Variants in CDC45 observed in about 807,000 individuals in gnomAD.
The protein encoded by CDC45 is cell division control protein 45 homolog.
Under a neutral mutation model 77.8 loss-of-function variants are expected in CDC45, and 54 were observed. The ratio of observed to expected loss-of-function variants is 0.69; its 90% CI spans 0.56 to 0.87. CDC45 has a LOEUF of 0.87. CDC45 is among the 40% of genes least tolerant of loss of function. The pLI, the probability that CDC45 is intolerant of heterozygous loss-of-function variation, is 0.00. For synonymous variants in CDC45, 260 were observed against 272.1 expected (o/e 0.96, Z 0.44); for missense variants, 649 against 721.6 (o/e 0.90, Z 1.15).
chr22:19,492,213 C>G lies in CDC45; in HGVS notation c.487-2114C>G, dbSNP rs570433828. ...GGCACTGATGACGTGAATGTTAGCT[C>G]TTTTGTTGTAGCCCCACAAGTCCCA... On this transcript the variant is annotated intron_variant, in intron 5 of 18. Transcript: ENST00000263201. Among the ~76,000 whole-genome samples the G allele has an allele frequency of 2.6e-5, 4 of 152,152 alleles. No homozygotes were observed. The South Asian group carries it at 8.4e-4, about 32-fold the overall frequency.
chr22:19,506,920 C>T (rs1178135368), intron 10 of CDC45, among the ~76,000 whole-genome samples: 3 of 148,492 alleles, frequency 2.0e-5, no homozygotes, highest in African/African-American at 7.5e-5. Context: ...GGCGACAGAG[C>T]GAGACTCCGT....
Position 19,520,271 on chromosome 22 carries a change from A to AG in CDC45, c.*2-205dup, listed in dbSNP as rs1483113857. Among the ~76,000 whole-genome samples the AG allele has an allele frequency of 1.3e-5, 2 of 152,034 alleles. No individual in the cohort carries two copies. Among genetic ancestry groups the AG allele is most frequent in the South Asian group, 2.1e-4 (1 of 4,822 alleles). ...CGTGAGGTAAGAAGGTGCCCGGGCCAGGGGGCAGGAGCTCTGATGTAGGAC... is the reference window on the plus strand; with the variant it reads ...CGTGAGGTAAGAAGGTGCCCGGGCCAGGGGGGCAGGAGCTCTGATGTAGGAC... On this transcript the variant is annotated intron_variant, in intron 18 of 18. Transcript: ENST00000263201. The surrounding 1 kb of genome is among the most constrained non-coding windows in gnomAD (Gnocchi z 4.5).
intron 5 of CDC45, among the ~76,000 whole-genome samples, chr22:19,492,454 G>T (rs1321951208): frequency 1.3e-5 from 2 of 151,750 alleles, no homozygotes; most frequent in African/African-American, 4.8e-5. Flanking sequence ...TAGAACACTT[G>T]TCTCTTCTTT....
chr22:19,516,056 G>A (rs1009126596), intron 15 of CDC45, among the ~76,000 whole-genome samples: 11 of 152,170 alleles, frequency 7.2e-5, no homozygotes, highest in Admixed American at 3.3e-4. Context: ...GGAGCGTGCC[G>A]GCGGGGGGGA....
intron 12 of CDC45, 76 bp downstream of exon 12, chr22:19,507,940 C>G: frequency 9.9e-7 from 1 of 1,014,394 alleles, no homozygotes; most frequent in Non-Finnish European, 1.5e-6. Context: ...TTTAACTGTG[C>G]TCCTAAAATA....
In CDC45 at chr22:19,479,943, G is replaced by C. The variant is rs1465804319; in HGVS notation, c.-26G>C. The stretch of plus-strand genomic sequence containing the variant: ...CCGGGCTCTTGGTACCTCAGCGCGA[G>C]CGCCAGGCGTCCGGCCGCCGTGGCT... On this transcript the variant is annotated 5_prime_UTR_variant, in exon 1 of 19. Coordinates refer to ENST00000263201, the MANE Select transcript of CDC45 (RefSeq NM_003504.5). The C allele has an allele frequency of 6.2e-7, 1 of 1,612,180 alleles. No homozygotes were observed.
In CDC45 at chr22:19,508,542, G is replaced by A; in HGVS notation, c.1068G>A (p.Met356Ile). ...ESANKFGMKD[M>I]RVQTFSIHFG... ...GCTCCCATGACAGGATGAAGGACAT[G>A]CGCGTGCAGACTTTCAGCATTCATT... The change falls in exon 13 of 19, where the codon ATG (methionine) becomes ATA (isoleucine). Residue 356 changes from methionine (M) to isoleucine (I), a missense_variant. By Grantham distance (10) the Met-to-Ile change is conservative. Transcript: ENST00000263201. 1.9e-6 allele frequency: 3 copies of A among 1,614,258 alleles called. No individual in the cohort carries two copies. The highest frequency in any genetic ancestry group is 2.5e-6 in the Non-Finnish European group (3 of 1,180,046).
At chr22:19,502,758 G>A (rs905316124) in intron 9 of CDC45, among the ~76,000 whole-genome samples, 1 of 152,146 alleles carries the variant, frequency 6.6e-6, no homozygotes, top group Non-Finnish European at 1.5e-5. Context: ...CCAGTTTCAA[G>A]TTTTCAATGA....
intron 5 of CDC45, among the ~76,000 whole-genome samples, chr22:19,493,514 G>A (rs570044185): frequency 1.3e-4 from 20 of 151,940 alleles, no homozygotes; most frequent in East Asian, 1.9e-4. Flanking sequence ...GCACAATCTC[G>A]GCTCACTGCT....
chr22:19,515,461 C>T (rs1933733096), intron 15 of CDC45, among the ~76,000 whole-genome samples: 1 of 152,218 alleles, frequency 6.6e-6, no homozygotes, highest in Non-Finnish European at 1.5e-5. Context: ...GCGTGGAACA[C>T]ACTCCTAACT....
intron 13 of CDC45, among the ~76,000 whole-genome samples, chr22:19,512,204 T>C (rs776531042): frequency 1.6e-4 from 25 of 152,174 alleles, no homozygotes; most frequent in Admixed American, 6.5e-5. Flanking sequence ...GACCCCTTGC[T>C]CATTACCAGG....
intron 7 of CDC45, 46 bp downstream of exon 7, chr22:19,496,075 G>C (rs376655788): frequency 5.6e-5 from 72 of 1,275,328 alleles, no homozygotes; most frequent in African/African-American, 1.9e-4. Context: ...TGACTCCAGG[G>C]GTCAGTGTCC....
At position 19,510,670 on chromosome 22, in the gene CDC45, A is replaced by G. The variant is rs1933463289; in HGVS notation, c.1217+1979A>G. On this transcript the variant is annotated intron_variant, in intron 13 of 18. Coordinates refer to ENST00000263201, the MANE Select transcript of CDC45 (RefSeq NM_003504.5). ...CAGCCTACCGAGTAGCTGGGATTAC[A>G]AACGCATGCCACCAAGCCTGGCTAA... Among the ~76,000 whole-genome samples the G allele has an allele frequency of 2.6e-5, 4 of 152,092 alleles. No individual in the cohort carries two copies. In the South Asian group the frequency reaches 8.3e-4, roughly 32 times the overall value.
chr22:19,499,068 A>G (rs780699920), intron 8 of CDC45, 33 bp from the exon 9 acceptor site: 1 of 1,612,108 alleles, frequency 6.2e-7, no homozygotes, highest in South Asian at 1.1e-5. Flanking sequence ...CAGGTGGGCT[A>G]TAGGCCGGCT....
At chr22:19,482,969 TC>T in intron 4 of CDC45, 142 bp downstream of exon 4, 20 of 661,994 alleles carry the variant, frequency 3.0e-5, no homozygotes, top group Non-Finnish European at 4.4e-5. Flanking sequence ...GTCTTTGTCA[TC>T]TTTTTTTTTT....
intron 15 of CDC45, among the ~76,000 whole-genome samples, chr22:19,516,058 C>T (rs561293129): frequency 6.6e-6 from 1 of 151,728 alleles, no homozygotes; most frequent in South Asian, 2.1e-4. Flanking sequence ...AGCGTGCCGG[C>T]GGGGGGGACG....
Position 19,505,619 on chromosome 22 carries a change from G to T in CDC45, c.824+138G>T, listed in dbSNP as rs1933128393. The T allele has an allele frequency of 7.0e-6, 6 of 860,202 alleles. No individual in the cohort carries two copies. The East Asian group carries it at 1.3e-4, about 18-fold the overall frequency. The allele number at this position is 860,202 out of a possible 1,614,324, so 53.3% of individuals were successfully genotyped here. ...GGGGCAGGAAGTTTTGGGGGAAGGG[G>T]CTGTGGTGTGCTACCCCAGCTCATC... On this transcript the variant is annotated intron_variant, in intron 10 of 18. Transcript: ENST00000263201.
chr22:19,486,351 A>C (rs1365990741), intron 5 of CDC45, among the ~76,000 whole-genome samples: 1 of 152,228 alleles, frequency 6.6e-6, no homozygotes, highest in Non-Finnish European at 1.5e-5. Context: ...CTCAAAATAT[A>C]TTTTGCAGCT....
chr22:19,481,649 A>G (rs1262802652), intron 3 of CDC45, among the ~76,000 whole-genome samples: 2 of 151,994 alleles, frequency 1.3e-5, no homozygotes, highest in Non-Finnish European at 2.9e-5. Flanking sequence ...CTGGGATTAC[A>G]GGTATGAGCC....
Sources: allele counts gnomAD v4.1 joint callset (sites outside exome capture counted in the v4.1 genomes callset), GRCh38; gene constraint gnomAD v4.1.1; non-coding constraint Gnocchi (gnomAD v3.1); transcripts MANE v1.5; gene names NCBI Gene and HGNC (gene_info 2026-07-23, HGNC 2026-07-21).